Variants in CCDC175 observed in about 807,000 individuals in gnomAD.
CCDC175 encodes the protein coiled-coil domain-containing protein 175.
A neutral mutation model predicts 114.6 loss-of-function variants in CCDC175; 100 were observed. That is an observed-to-expected ratio of 0.87 (90% CI 0.74 to 1.03). CCDC175 has a LOEUF of 1.03. Among genes scored for constraint, CCDC175 ranks in the 50% least tolerant of loss-of-function variants. The probability of loss-of-function intolerance (pLI) is 0.00; values close to 1 mark genes in which losing one functional copy is unlikely to be tolerated. For synonymous variants in CCDC175, 306 were observed against 308.7 expected, an observed-to-expected ratio of 0.99 and a Z score of 0.09; for missense variants, 880 against 917.8, an observed-to-expected ratio of 0.96 and a Z score of 0.53.
intron 9 of CCDC175, among the ~76,000 whole-genome samples, chr14:59,543,715 A>G (rs1894930980): frequency 6.6e-6 from 1 of 152,144 alleles, no homozygotes; most frequent in Non-Finnish European, 1.5e-5. Flanking sequence ...GCTGGTATCA[A>G]ATGCCTGGTC....
chr14:59,573,619 T>TTTTTTTG (rs1491407115), intron 2 of CCDC175, among the ~76,000 whole-genome samples: 1 of 4,382 alleles, frequency 2.3e-4, no homozygotes, highest in African/African-American at 5.5e-4. Flanking sequence ...TGTTTTTTTG[T>TTTTTTTG]TTTTTTTTTT....
In CCDC175 at chr14:59,545,283, T is replaced by G; in HGVS notation, c.1052A>C (p.His351Pro). The part of the protein sequence containing the change: ...NKIKQLVETL[H>P]AARMEYKDLR... Reference sequence around the variant, plus strand: ...GTCTTTGTATTCCATACGAGCAGCATGCAGTGTTTCAACCAGCTAGAGAAA... The same window carrying G: ...GTCTTTGTATTCCATACGAGCAGCAGGCAGTGTTTCAACCAGCTAGAGAAA... Residue 351 changes from histidine (H) to proline (P), a missense_variant, in exon 9 of 20, where the codon CAT becomes CCT. By Grantham distance (77) the His-to-Pro change is moderately conservative. Transcript: ENST00000537690. 1 of 1,536,854 alleles carries G rather than the reference T, an allele frequency of 6.5e-7. No individual in the cohort carries two copies. Among genetic ancestry groups the G allele is most frequent in the Non-Finnish European group, 8.7e-7 (1 of 1,146,710 alleles).
intron 17 of CCDC175, among the ~76,000 whole-genome samples, chr14:59,520,001 T>C (rs926653799): frequency 1.8e-4 from 27 of 152,216 alleles, no homozygotes; most frequent in African/African-American, 6.5e-4. Flanking sequence ...ATGATTTCAG[T>C]TCCCGGCTGT....
At position 59,563,791 on chromosome 14, in the gene CCDC175, A is replaced by T; in HGVS notation, c.789T>A (p.Asp263Glu). 7.0e-7 allele frequency: 1 copy of T among 1,436,124 alleles called. No homozygotes were observed. Among genetic ancestry groups the T allele is most frequent in the Non-Finnish European group, 9.1e-7 (1 of 1,093,754 alleles). The allele number at this position is 1,436,124 out of a possible 1,614,324, so 89.0% of individuals were successfully genotyped here. A position where few individuals can be genotyped will look rare whatever the true frequency, so the allele number is the denominator to read the frequency against. ...TTTTTGACATTTTAGTTTGTAATTT[A>T]TCCAATTCTTTCTTCTTTTGATAAG... Reference protein sequence around the residue: ...METYQKKKELDKLQTKMSKIK... With the variant: ...METYQKKKELEKLQTKMSKIK... Residue 263 changes from aspartate to glutamate, a missense_variant, in exon 6 of 20, where the codon GAT becomes GAA. Physicochemically the swap from Asp to Glu is conservative, Grantham distance 45. Transcript: ENST00000537690.
intron 8 of CCDC175, among the ~76,000 whole-genome samples, chr14:59,549,774 G>C (rs570480859): frequency 6.6e-6 from 1 of 150,538 alleles, no homozygotes; most frequent in South Asian, 2.1e-4. Flanking sequence ...AGGAAATTAA[G>C]TTTGGATATA....
chr14:59,555,610 G>A (rs1895842896), intron 7 of CCDC175, among the ~76,000 whole-genome samples: 1 of 152,292 alleles, frequency 6.6e-6, no homozygotes, highest in Non-Finnish European at 1.5e-5. Flanking sequence ...GGAAGTTCTA[G>A]CCAGGGCAAT....
chr14:59,523,605 T>C (rs998941699), intron 16 of CCDC175, among the ~76,000 whole-genome samples: 1 of 152,196 alleles, frequency 6.6e-6, no homozygotes, highest in South Asian at 2.1e-4. Context: ...TGGGGTACAT[T>C]GATAACAGAT....
At chr14:59,537,568 G>A (rs1894475939) in intron 13 of CCDC175, among the ~76,000 whole-genome samples, 1 of 152,066 alleles carries the variant, frequency 6.6e-6, no homozygotes, top group Admixed American at 6.6e-5. Context: ...TGTGGACCTG[G>A]CACTTCTGGG....
intron 7 of CCDC175, among the ~76,000 whole-genome samples, 179 bp from the exon 8 acceptor site, chr14:59,551,615 G>A (rs1176790595): frequency 6.6e-6 from 1 of 152,204 alleles, no homozygotes; most frequent in African/African-American, 2.4e-5. Context: ...GTGTTGGACA[G>A]TGGGTGCAGG....
chr14:59,505,302 G>A lies in CCDC175; in HGVS notation c.2319C>T (p.His773=), dbSNP rs531704276. The change falls in exon 20 of 20, where the codon CAC becomes CAT. Residue 773 remains histidine, a synonymous_variant. Transcript: ENST00000537690. ...CTGGGAAATGAACCCTTGTACGAAT[G>A]TGTTTCTTCTTCTCTGTAGGAATAA... The part of the protein sequence containing the change: ...SPMDLLKKKK[H]IRTRVHFPVV... 1.9e-5 allele frequency: 29 copies of A among 1,493,912 alleles called. No individual in the cohort carries two copies. The East Asian group carries it at 6.4e-4, about 33-fold the overall frequency. The allele number at this position is 1,493,912 out of a possible 1,614,324, so 92.5% of individuals were successfully genotyped here. A position where few individuals can be genotyped will look rare whatever the true frequency, so the allele number is the denominator to read the frequency against.
chr14:59,517,978 G>A (rs1407916223), intron 17 of CCDC175, among the ~76,000 whole-genome samples: 3 of 152,130 alleles, frequency 2.0e-5, no homozygotes, highest in South Asian at 2.1e-4. Context: ...CAGAGATATA[G>A]AGCAATGGAA....
At chr14:59,523,116 A>G (rs976372711) in intron 16 of CCDC175, among the ~76,000 whole-genome samples, 6 of 152,236 alleles carry the variant, frequency 3.9e-5, no homozygotes, top group African/African-American at 1.4e-4. Flanking sequence ...CTGCTCACCT[A>G]CTGCCAAAAT....
At chr14:59,516,704 G>A (rs540923715) in intron 17 of CCDC175, among the ~76,000 whole-genome samples, 3 of 152,252 alleles carry the variant, frequency 2.0e-5, no homozygotes, top group South Asian at 4.1e-4. Flanking sequence ...AAAAGTCCAG[G>A]ACCAGATGGA....
At position 59,549,336 on chromosome 14, in the gene CCDC175, C is replaced by T. The variant is rs142313432; in HGVS notation, c.1035+2019G>A. On this transcript the variant is annotated intron_variant, in intron 8 of 19. Transcript: ENST00000537690. ...CACAACCAGCCGAGGCAACATAAAG[C>T]GACCTGTCTCTGCAAATAATTTAAA... 1.6e-4 allele frequency among the ~76,000 whole-genome samples: 25 copies of T among 152,220 alleles called. 1 individual carries two copies. The East Asian group carries it at 1.9e-3, about 12-fold the overall frequency.
At chr14:59,511,503 GGAAGACAGTTTCCCAAA>G (rs1451970621) in intron 18 of CCDC175, among the ~76,000 whole-genome samples, 1 of 134,930 alleles carries the variant, frequency 7.4e-6, no homozygotes, top group Non-Finnish European at 1.5e-5. Context: ...TGGTAGAGTG[GGAAGACAGTTTCCCAAA>G]GAATTAAGAT....
intron 15 of CCDC175, among the ~76,000 whole-genome samples, chr14:59,525,903 C>T (rs913643087): frequency 3.3e-5 from 5 of 152,056 alleles, no homozygotes; most frequent in Non-Finnish European, 7.3e-5. Flanking sequence ...TATGCAAATA[C>T]TACATCATGT....
chr14:59,551,635 G>C lies in CCDC175; in HGVS notation c.954-199C>G, dbSNP rs35870107. Reference sequence around the variant, plus strand: ...GGACAGTGGGTGCAGGACAGTGGGTGCAGCCCACTGAGCGAGAGCTGAAGC... The same window carrying C: ...GGACAGTGGGTGCAGGACAGTGGGTCCAGCCCACTGAGCGAGAGCTGAAGC... On this transcript the variant is annotated intron_variant, in intron 7 of 19. Transcript: ENST00000537690. 1.5e-3 allele frequency among the ~76,000 whole-genome samples: 232 copies of C among 152,318 alleles called. 2 individuals are homozygous for C. Among genetic ancestry groups the C allele is most frequent in the African/African-American group, 5.4e-3 (225 of 41,566 alleles).
At chr14:59,570,741 T>TTTTGTTTGTTTGTTTGTTTTTGTTTG (rs143746866) in intron 3 of CCDC175, among the ~76,000 whole-genome samples, 1 of 151,352 alleles carries the variant, frequency 6.6e-6, no homozygotes, top group Non-Finnish European at 1.5e-5. Context: ...TCTCTTTTGT[T>TTTTGTTTGTTTGTTTGTTTTTGTTTG]TTTGTTTGTT....
chr14:59,568,434 G>A, intron 3 of CCDC175, 54 bp from the exon 4 acceptor site: 1 of 1,358,398 alleles, frequency 7.4e-7, no homozygotes, highest in Non-Finnish European at 9.6e-7. Flanking sequence ...CACAACTGTA[G>A]ATACTGACTT....
Sources: gnomAD v4.1 joint callset for allele counts (sites outside exome capture counted in the v4.1 genomes callset) on GRCh38, gnomAD v4.1.1 for gene constraint, MANE v1.5 for transcripts, NCBI Gene and HGNC (gene_info 2026-07-23, HGNC 2026-07-21) for gene names.